SLC35F3: variants seen among roughly 807,000 people sequenced by gnomAD.
The protein encoded by SLC35F3 is putative thiamine transporter SLC35F3.
In SLC35F3, 25 loss-of-function variants were observed where a neutral mutation model predicts 49.9. The ratio of observed to expected loss-of-function variants is 0.50; its 90% CI spans 0.37 to 0.70. The LOEUF (loss-of-function observed/expected upper bound fraction) is 0.70. SLC35F3 is among the 30% of genes least tolerant of loss of function. The pLI, the probability that SLC35F3 is intolerant of heterozygous loss-of-function variation, is 0.00. For missense variants in SLC35F3, 525 were observed against 639.8 expected (o/e 0.82, Z 1.94); for synonymous variants, 275 against 265.4 (o/e 1.04, Z -0.35).
chr1:234,199,780 A>G (rs1295674458), intron 2 of SLC35F3, among the ~76,000 whole-genome samples: 3 of 152,222 alleles, frequency 2.0e-5, no homozygotes, highest in African/African-American at 4.8e-5. Flanking sequence ...TAAGTAACTC[A>G]AACAACTCAA....
intron 2 of SLC35F3, among the ~76,000 whole-genome samples, chr1:233,986,749 C>A (rs1050562297): frequency 6.6e-6 from 1 of 152,216 alleles, no homozygotes; most frequent in Non-Finnish European, 1.5e-5. Context: ...ATGGGTTCAA[C>A]CATCTAGATC....
intron 2 of SLC35F3, among the ~76,000 whole-genome samples, chr1:233,916,818 C>T (rs566533097): frequency 3.3e-5 from 5 of 152,260 alleles, no homozygotes; most frequent in Non-Finnish European, 5.9e-5. Flanking sequence ...AGCCCATGGA[C>T]GAGGCCGAGG....
intron 2 of SLC35F3, among the ~76,000 whole-genome samples, chr1:234,045,189 C>A (rs1664271793): frequency 6.6e-6 from 1 of 152,118 alleles, no homozygotes; most frequent in Non-Finnish European, 1.5e-5. Context: ...CCAGACATAA[C>A]CCATGTACTA....
intron 2 of SLC35F3, among the ~76,000 whole-genome samples, chr1:233,947,750 A>T (rs1268778888): frequency 6.7e-6 from 1 of 148,368 alleles, no homozygotes; most frequent in East Asian, 2.0e-4. Context: ...AGTAAGAGGG[A>T]GGAGAGAGAG....
chr1:234,276,810 C>T (rs951452763), intron 3 of SLC35F3, among the ~76,000 whole-genome samples: 2 of 152,132 alleles, frequency 1.3e-5, no homozygotes, highest in African/African-American at 2.4e-5. Flanking sequence ...AGAAAAATAG[C>T]GATTTTATTA....
In SLC35F3 at chr1:234,286,381, C is replaced by G. The variant is rs190426932; in HGVS notation, c.609-22720C>G. ...CACATGGATCTATAAGATACAGGAA[C>G]AGTGGCTGGGGCCAGGGGCGGGGGC... On this transcript the variant is annotated intron_variant, in intron 3 of 7. Transcript: ENST00000366618. Among the ~76,000 whole-genome samples, 285 of 152,136 alleles carry G rather than the reference C, an allele frequency of 1.9e-3. 1 individual carries two copies. The highest frequency in any genetic ancestry group is 3.3e-3 in the Non-Finnish European group (222 of 68,008).
At chr1:233,912,208 G>C (rs1235072117) in intron 2 of SLC35F3, among the ~76,000 whole-genome samples, 1 of 152,080 alleles carries the variant, frequency 6.6e-6, no homozygotes, top group African/African-American at 2.4e-5. Context: ...CGCCGTGCGC[G>C]GTGGCTCATG....
At chr1:234,154,067 A>C (rs970901423) in intron 2 of SLC35F3, among the ~76,000 whole-genome samples, 16 of 151,408 alleles carry the variant, frequency 1.1e-4, no homozygotes, top group African/African-American at 3.7e-4. Context: ...GTCTCAAAAA[A>C]AAAAACAAAA....
At chr1:233,955,500 C>A (rs1450472138) in intron 2 of SLC35F3, among the ~76,000 whole-genome samples, 1 of 152,046 alleles carries the variant, frequency 6.6e-6, no homozygotes, top group African/African-American at 2.4e-5. Context: ...TTCGGTTGCT[C>A]CTATTTCTGT....
chr1:234,289,315 A>G (rs1337424503), intron 3 of SLC35F3, among the ~76,000 whole-genome samples: 1 of 152,178 alleles, frequency 6.6e-6, no homozygotes, highest in Non-Finnish European at 1.5e-5. Flanking sequence ...GAAAATACAT[A>G]CTGTTCTTGA....
At chr1:234,072,229 A>G (rs1024274373) in intron 2 of SLC35F3, among the ~76,000 whole-genome samples, 18 of 152,342 alleles carry the variant, frequency 1.2e-4, no homozygotes, top group African/African-American at 4.3e-4. Context: ...CCCTGGGTTT[A>G]CATTTATTTA....
At chr1:234,180,388 G>A (rs1666538907) in intron 2 of SLC35F3, among the ~76,000 whole-genome samples, 1 of 152,186 alleles carries the variant, frequency 6.6e-6, no homozygotes, top group Admixed American at 6.5e-5. Context: ...TTCTTCAGAA[G>A]GAGGGGCTCA....
chr1:234,253,051 C>T (rs1026398754), intron 3 of SLC35F3, among the ~76,000 whole-genome samples: 5 of 152,258 alleles, frequency 3.3e-5, no homozygotes, highest in African/African-American at 9.6e-5. Context: ...GCTGGCCAGG[C>T]GCAGTGGCTC....
chr1:234,121,090 G>T (rs1180102294), intron 2 of SLC35F3, among the ~76,000 whole-genome samples: 16 of 145,112 alleles, frequency 1.1e-4, no homozygotes, highest in African/African-American at 3.8e-4. Flanking sequence ...TTTTTTCTGA[G>T]TTCTGGTCAT....
intron 2 of SLC35F3, among the ~76,000 whole-genome samples, chr1:234,139,804 C>CA (rs1284828395): frequency 3.3e-5 from 5 of 151,574 alleles, no homozygotes; most frequent in Admixed American, 6.6e-5. Context: ...AAAAATTAGC[C>CA]AGGCATGGTG....
chr1:233,959,200 G>T (rs1662753816), intron 2 of SLC35F3, among the ~76,000 whole-genome samples: 1 of 151,888 alleles, frequency 6.6e-6, no homozygotes, highest in African/African-American at 2.4e-5. Flanking sequence ...GTATAAAGTA[G>T]CGTACAGTAG....
chr1:234,316,566 G>C, intron 4 of SLC35F3, 36 bp from the exon 5 acceptor site: 2 of 1,583,268 alleles, frequency 1.3e-6, no homozygotes, highest in Middle Eastern at 3.7e-4. Context: ...ACTCCGTCCC[G>C]ACTTCCCTGA....
chr1:234,309,395 TC>T, intron 4 of SLC35F3, 75 bp downstream of exon 4: 1 of 1,299,152 alleles, frequency 7.7e-7, no homozygotes, highest in Non-Finnish European at 1.1e-6. Context: ...CTTGCTTAGC[TC>T]CATGTGCTGG....
chr1:234,110,934 A>C (rs1194353752), intron 2 of SLC35F3, among the ~76,000 whole-genome samples: 2 of 152,210 alleles, frequency 1.3e-5, no homozygotes, highest in Non-Finnish European at 2.9e-5. Flanking sequence ...CCATAAAACA[A>C]AATTTTAAAA....
Sources: allele counts gnomAD v4.1 joint callset (sites outside exome capture counted in the v4.1 genomes callset), GRCh38; gene constraint gnomAD v4.1.1; transcripts MANE v1.5; gene names NCBI Gene and HGNC (gene_info 2026-07-23, HGNC 2026-07-21).